Variants in PRKRIP1 observed in about 807,000 individuals in gnomAD.
PRKRIP1 encodes PRKR-interacting protein 1.
Under a neutral mutation model 29.3 loss-of-function variants are expected in PRKRIP1, and 29 were observed. The observed-to-expected ratio is 0.99, with a 90% CI of 0.74 to 1.35. The LOEUF is 1.35. Ranked by LOEUF, PRKRIP1 falls within the 40% of genes most tolerant of loss-of-function variation. The probability of loss-of-function intolerance (pLI) is 0.00; values close to 1 mark genes in which losing one functional copy is unlikely to be tolerated. For synonymous variants in PRKRIP1, 90 were observed against 85.1 expected, an observed-to-expected ratio of 1.06 and a Z score of -0.32; for missense variants, 247 against 236.8, an observed-to-expected ratio of 1.04 and a Z score of -0.28.
intron 5 of PRKRIP1, chr7:102,423,499 A>C (rs1554574091): frequency 4.4e-6 from 1 of 226,814 alleles, no homozygotes; most frequent in Admixed American, 5.2e-5. Flanking sequence ...CTTAGTGAAT[A>C]GGAGATCTCG....
At chr7:102,424,360 A>G in intron 5 of PRKRIP1, among the ~76,000 whole-genome samples, 1 of 152,278 alleles carries the variant, frequency 6.6e-6, no homozygotes, top group East Asian at 1.9e-4. Context: ...GAGCCGGGCC[A>G]TCTGCTGCCT....
rs781988307 is a variant in PRKRIP1 at position 102,399,586 on chromosome 7, T to C, written c.244T>C (p.Tyr82His). The change falls in exon 3 of 6, where the codon TAC becomes CAC. Residue 82 changes from tyrosine to histidine, a missense_variant. Physicochemically the swap from Tyr to His is moderately conservative, Grantham distance 83. Around this residue, in one of 3 missense-constraint regions of PRKRIP1, gnomAD observed 8 missense variants for 29.9 expected, o/e 0.27. Transcript: ENST00000397912. ...GGCCGGCAGTGGAGAGTTCCACGTG[T>C]ACAGACATCTGCGCCGGAGAGAATA... Reference protein sequence around the residue: ...AGAGSGEFHVYRHLRRREYQR... With the variant: ...AGAGSGEFHVHRHLRRREYQR... 6.2e-7 allele frequency: 1 copy of C among 1,614,166 alleles called. No homozygotes were observed. Among genetic ancestry groups the C allele is most frequent in the East Asian group, 2.2e-5 (1 of 44,886 alleles).
intron 4 of PRKRIP1, among the ~76,000 whole-genome samples, chr7:102,407,019 C>G (rs1289133174): frequency 1.3e-5 from 2 of 151,990 alleles, no homozygotes; most frequent in African/African-American, 4.8e-5. Context: ...TCGAGACCAT[C>G]CTGGCTAACA....
intron 4 of PRKRIP1, among the ~76,000 whole-genome samples, chr7:102,406,160 T>C (rs1554571798): frequency 6.6e-6 from 1 of 152,164 alleles, no homozygotes; most frequent in Non-Finnish European, 1.5e-5. Context: ...CATTGGAGTT[T>C]TCAGTGCATC....
rs147851001 is a variant in PRKRIP1, at chr7:102,425,107, G to A, written c.551G>A (p.Arg184Gln). Reference sequence around the variant, plus strand: ...GAAGTGCCCAGTTTCACCATGGGGCGATGACAATGTTTGCCACAGCCTCTG... The same window carrying A: ...GAAGTGCCCAGTTTCACCATGGGGCAATGACAATGTTTGCCACAGCCTCTG... ...EEEVPSFTMG[R>Q] The change falls in exon 6 of 6, where the codon CGA becomes CAA. Residue 184 changes from arginine to glutamine, a missense_variant. This residue lies in a region of PRKRIP1 where 134 missense variants were observed against 126.6 expected (regional missense o/e 1.06). Coordinates refer to ENST00000397912, the MANE Select transcript of PRKRIP1 (RefSeq NM_024653.4). The A allele has an allele frequency of 4.3e-5, 69 of 1,611,662 alleles. No homozygotes were observed. The East Asian group carries it at 1.3e-3, about 30-fold the overall frequency.
Position 102,409,828 on chromosome 7 carries a change from AAAT to A in PRKRIP1, c.457+2347_457+2349del, listed in dbSNP as rs566438882. Among the ~76,000 whole-genome samples, 15 of 151,918 alleles carry A rather than the reference AAAT, an allele frequency of 9.9e-5. 1 individual carries two copies. Among genetic ancestry groups the A allele is most frequent in the East Asian group, 9.7e-4 (5 of 5,176 alleles). On this transcript the variant is annotated intron_variant, in intron 5 of 5. Coordinates refer to ENST00000397912, the MANE Select transcript of PRKRIP1 (RefSeq NM_024653.4). ...GACAGAGCAAGATTCTGTCTCAAAAAAATAATAATAATAATAATAGATCTCCTT... is the reference window on the plus strand; with the variant it reads ...GACAGAGCAAGATTCTGTCTCAAAAAAATAATAATAATAATAGATCTCCTT...
intron 5 of PRKRIP1, among the ~76,000 whole-genome samples, chr7:102,410,449 C>T (rs559115100): frequency 2.0e-5 from 3 of 152,246 alleles, no homozygotes; most frequent in South Asian, 2.1e-4. Flanking sequence ...TGCAGGTAGA[C>T]GTTTCCAGGG....
intron 2 of PRKRIP1, among the ~76,000 whole-genome samples, 200 bp downstream of exon 2, chr7:102,397,898 T>C (rs1795957056): frequency 6.6e-6 from 1 of 151,840 alleles, no homozygotes; most frequent in Admixed American, 6.6e-5. Context: ...ACAAAAAAAA[T>C]TAGCCGGGCG....
At chr7:102,414,887 A>G (rs978548551) in intron 5 of PRKRIP1, among the ~76,000 whole-genome samples, 21 of 151,996 alleles carry the variant, frequency 1.4e-4, no homozygotes, top group Admixed American at 8.5e-4. Context: ...CCCTGTCTCA[A>G]AAAGGAAAAA....
Position 102,425,037 on chromosome 7 carries a change from G to A in PRKRIP1, c.481G>A (p.Gly161Arg). 6.2e-7 allele frequency: 1 copy of A among 1,613,808 alleles called. No homozygotes were observed. Among genetic ancestry groups the A allele is most frequent in the Non-Finnish European group, 8.5e-7 (1 of 1,179,920 alleles). The change falls in exon 6 of 6, where the codon GGG becomes AGG. Residue 161 changes from glycine to arginine, a missense_variant. Physicochemically the swap from Gly to Arg is moderately radical, Grantham distance 125. Transcript: ENST00000397912. ...QEGPGQPKEQ[G>R]SSSSAEASGT... ...AGGACCCGGTCAGCCCAAGGAGCAG[G>A]GGTCCAGCAGCTCTGCGGAGGCATC... is the stretch of plus-strand genomic sequence containing the variant.
intron 5 of PRKRIP1, among the ~76,000 whole-genome samples, chr7:102,417,232 A>G (rs1477888471): frequency 6.6e-6 from 1 of 151,970 alleles, no homozygotes; most frequent in East Asian, 1.9e-4. Context: ...GTTTACCTTG[A>G]TCACATGGCT....
chr7:102,419,512 T>C (rs995406484), intron 5 of PRKRIP1, among the ~76,000 whole-genome samples: 24 of 152,216 alleles, frequency 1.6e-4, no homozygotes, highest in African/African-American at 5.8e-4. Context: ...TGCCGTATCA[T>C]ACAGAATAAT....
chr7:102,420,808 C>G (rs1796673064), intron 5 of PRKRIP1, among the ~76,000 whole-genome samples: 1 of 152,202 alleles, frequency 6.6e-6, no homozygotes, highest in Non-Finnish European at 1.5e-5. Context: ...CACCCCTAAC[C>G]TCATGCAAGA....
intron 5 of PRKRIP1, among the ~76,000 whole-genome samples, chr7:102,413,438 T>G (rs1796447215): frequency 6.6e-6 from 1 of 152,168 alleles, no homozygotes; most frequent in Admixed American, 6.6e-5. Flanking sequence ...TTTTAGAAAT[T>G]TTTAAAATAT....
At position 102,396,458 on chromosome 7, in the gene PRKRIP1, AAG is replaced by A. The variant is rs1795899611; in HGVS notation, c.50_51del (p.Glu17AlafsTer37). ...TCGGTGCGACCACCGAGGCCCAAGAAAGAGCCGCAGACGCTCGTCATCCCCAA... is the reference window on the plus strand; with the variant it reads ...TCGGTGCGACCACCGAGGCCCAAGAAAGCCGCAGACGCTCGTCATCCCCAA... On this transcript the variant is annotated frameshift_variant, in exon 1 of 6. Transcript: ENST00000397912. LOFTEE classifies it high-confidence loss of function. 1.2e-6 allele frequency: 2 copies of A among 1,608,276 alleles called. No individual in the cohort carries two copies. The highest frequency in any genetic ancestry group is 8.5e-7 in the Non-Finnish European group (1 of 1,178,618).
At chr7:102,401,465 G>GCCA (rs1796068963) in intron 3 of PRKRIP1, among the ~76,000 whole-genome samples, 2 of 152,206 alleles carry the variant, frequency 1.3e-5, no homozygotes, top group Admixed American at 1.3e-4. Context: ...CAGCCGTGGT[G>GCCA]GCTCATGCCT....
At chr7:102,397,048 C>A (rs1554570490) in intron 1 of PRKRIP1, among the ~76,000 whole-genome samples, 1 of 151,830 alleles carries the variant, frequency 6.6e-6, no homozygotes, top group Non-Finnish European at 1.5e-5. Context: ...TTAAAGTTGG[C>A]GGTTTCTAGC....
In PRKRIP1 at chr7:102,396,447, G is replaced by A. The variant is rs782352907; in HGVS notation, c.36G>A (p.Pro12=). The A allele has an allele frequency of 2.5e-6, 4 of 1,604,192 alleles. No individual in the cohort carries two copies. The South Asian group carries it at 3.3e-5, about 13-fold the overall frequency. Residue 12 remains proline (P), a synonymous_variant, in exon 1 of 6, where the codon CCG becomes CCA. Coordinates refer to ENST00000397912, the MANE Select transcript of PRKRIP1 (RefSeq NM_024653.4). ...ASPAASSVRP[P]RPKKEPQTLV... ...CAGCCGCCTCCTCGGTGCGACCACC[G>A]AGGCCCAAGAAAGAGCCGCAGACGC... is the stretch of plus-strand genomic sequence containing the variant.
At chr7:102,397,133 C>T (rs1038717864) in intron 1 of PRKRIP1, among the ~76,000 whole-genome samples, 2 of 151,928 alleles carry the variant, frequency 1.3e-5, no homozygotes, top group Non-Finnish European at 2.9e-5. Context: ...TGTGTTATAC[C>T]CAAGAGTACA....
Sources: gnomAD v4.1 joint callset for allele counts (sites outside exome capture counted in the v4.1 genomes callset) on GRCh38, gnomAD v4.1.1 for gene constraint, gnomAD v4.1.1 regional missense constraint, MANE v1.5 for transcripts, NCBI Gene and HGNC (gene_info 2026-07-23, HGNC 2026-07-21) for gene names.